The following AGAP1 variants were observed in gnomAD, a reference collection of about 807,000 sequenced individuals.
AGAP1 encodes the protein ArfGAP with GTPase domain, ankyrin repeat and PH domain 1.
Under a neutral mutation model 105.3 loss-of-function variants are expected in AGAP1, and 29 were observed. The observed-to-expected ratio is 0.28, with a 90% CI of 0.21 to 0.38. The LOEUF (loss-of-function observed/expected upper bound fraction) is 0.38, where lower values mean the gene tolerates loss of function less well. AGAP1 is among the 10% of genes least tolerant of loss of function. The probability of loss-of-function intolerance (pLI) is 1.00; values close to 1 mark genes in which losing one functional copy is unlikely to be tolerated. For synonymous variants in AGAP1, 509 were observed against 485.9 expected (o/e 1.05, Z -0.63); for missense variants, 998 against 1,165.1 (o/e 0.86, Z 2.09).
rs1013955200 is a variant in AGAP1, at chr2:235,690,943, C to T, written c.164-18236C>T. 6.6e-6 allele frequency among the ~76,000 whole-genome samples: 1 copy of T among 152,110 alleles called. No homozygotes were observed. The highest frequency in any genetic ancestry group is 1.5e-5 in the Non-Finnish European group (1 of 68,028). On this transcript the variant is annotated intron_variant, in intron 1 of 17. Transcript: ENST00000304032. The surrounding 1 kb of genome is among the most constrained non-coding windows in gnomAD (Gnocchi z 4.1). ...AGGGTTTGGCAGGGATTCGTGGCTG[C>T]TATTTTAGATATGCCAGGAGCCTTC...
At chr2:235,915,559 G>C (rs1162272447) in intron 11 of AGAP1, among the ~76,000 whole-genome samples, 1 of 152,160 alleles carries the variant, frequency 6.6e-6, no homozygotes, top group Non-Finnish European at 1.5e-5. Flanking sequence ...GAGTGCCTGT[G>C]GTCCCAGGGG....
chr2:236,089,729 G>A lies in AGAP1; in HGVS notation c.2115-30463G>A, dbSNP rs2059013093. 6.6e-6 allele frequency among the ~76,000 whole-genome samples: 1 copy of A among 152,202 alleles called. No homozygotes were observed. The highest frequency in any genetic ancestry group is 2.1e-4 in the South Asian group (1 of 4,830). On this transcript the variant is annotated intron_variant, in intron 16 of 17. Transcript: ENST00000304032. The surrounding 1 kb of genome is among the most constrained non-coding windows in gnomAD (Gnocchi z 5.6). ...AGACATCCAAATGGGGGATTGAACT[G>A]TGAGAGTGCAGGCAATAAAGAGTGC...
intron 1 of AGAP1, chr2:235,670,374 T>G (rs1384506015): frequency 3.6e-6 from 2 of 548,566 alleles, no homozygotes; most frequent in African/African-American, 4.0e-5. Flanking sequence ...GCTTGGGATT[T>G]CCGCACCTTC....
Position 235,793,050 on chromosome 2 carries a change from AG to A in AGAP1, c.674-4706del, listed in dbSNP as rs1227729910. On this transcript the variant is annotated intron_variant, in intron 6 of 17. Transcript: ENST00000304032. The surrounding 1 kb of genome is among the most constrained non-coding windows in gnomAD (Gnocchi z 5.3). ...CCGGAGGAGGAAAACCAGGGACGTC[AG>A]GGTTCATGGAAGCCCGAGGAGGATG... Among the ~76,000 whole-genome samples, 3 of 152,174 alleles carry A rather than the reference AG, an allele frequency of 2.0e-5. No individual in the cohort carries two copies. Among genetic ancestry groups the A allele is most frequent in the Admixed American group, 6.5e-5 (1 of 15,276 alleles).
In AGAP1 at chr2:236,111,503, AAAAG is replaced by A. The variant is rs940652208; in HGVS notation, c.2115-8687_2115-8684del. ...ATAGCAAGACCCTGTCTTAAAAAAAAAAAGAGAGAGAAGAAGACTGGGCACTGTG... is the reference window on the plus strand; with the variant it reads ...ATAGCAAGACCCTGTCTTAAAAAAAAAGAGAGAAGAAGACTGGGCACTGTG... On this transcript the variant is annotated intron_variant, in intron 16 of 17. Coordinates refer to ENST00000304032, the MANE Select transcript of AGAP1 (RefSeq NM_001037131.3). Among the ~76,000 whole-genome samples the A allele has an allele frequency of 6.1e-5, 8 of 131,786 alleles. No individual in the cohort carries two copies. The East Asian group carries it at 1.1e-3, about 18-fold the overall frequency. 86.5% of individuals were successfully genotyped at this position (131,786 alleles called of 152,430 possible).
intron 9 of AGAP1, among the ~76,000 whole-genome samples, chr2:235,848,563 T>C (rs188096781): frequency 1.2e-3 from 183 of 152,368 alleles, no homozygotes; most frequent in African/African-American, 4.1e-3. Context: ...GATTGTGATG[T>C]CCATGGTGAG....
intron 9 of AGAP1, among the ~76,000 whole-genome samples, chr2:235,881,625 G>A (rs1024169169): frequency 7.2e-5 from 11 of 152,226 alleles, no homozygotes; most frequent in African/African-American, 2.7e-4. Flanking sequence ...CAGGCATGGA[G>A]CCCAGGCTGA....
Position 235,959,522 on chromosome 2 carries a change from A to G in AGAP1, c.1484-8940A>G, listed in dbSNP as rs961924914. On this transcript the variant is annotated intron_variant, in intron 12 of 17. Transcript: ENST00000304032. The surrounding 1 kb of genome is among the most constrained non-coding windows in gnomAD (Gnocchi z 7.3). ...GGACGGGAACCCGGTCCTTCTTGCC[A>G]TGAGAACACCCAGCCCAGGAGAGGT... is the stretch of plus-strand genomic sequence containing the variant. Among the ~76,000 whole-genome samples, 4 of 152,094 alleles carry G rather than the reference A, an allele frequency of 2.6e-5. No homozygotes were observed. Among genetic ancestry groups the G allele is most frequent in the Non-Finnish European group, 5.9e-5 (4 of 68,002 alleles).
chr2:235,915,224 G>A (rs1465724989), intron 11 of AGAP1, among the ~76,000 whole-genome samples: 1 of 152,176 alleles, frequency 6.6e-6, no homozygotes, highest in African/African-American at 2.4e-5. Flanking sequence ...GACAACGAAG[G>A]TGTTTGTGGG....
At position 235,559,560 on chromosome 2, in the gene AGAP1, G is replaced by A. The variant is rs1944082884; in HGVS notation, c.163+64711G>A. On this transcript the variant is annotated intron_variant, in intron 1 of 17. Coordinates refer to ENST00000304032, the MANE Select transcript of AGAP1 (RefSeq NM_001037131.3). The surrounding 1 kb of genome is among the most constrained non-coding windows in gnomAD (Gnocchi z 5.7). ...TTAGCACAGGAAATAGAAAGCTAAA[G>A]GATATCCCTCATGATCCCTCATCCA... Among the ~76,000 whole-genome samples, 1 of 152,144 alleles carries A rather than the reference G, an allele frequency of 6.6e-6. No individual in the cohort carries two copies. Among genetic ancestry groups the A allele is most frequent in the African/African-American group, 2.4e-5 (1 of 41,438 alleles).
intron 1 of AGAP1, among the ~76,000 whole-genome samples, chr2:235,653,111 T>G (rs1250901012): frequency 6.6e-6 from 1 of 152,174 alleles, no homozygotes; most frequent in Non-Finnish European, 1.5e-5. Context: ...AAAGCCCATT[T>G]GCTGCATTGT....
At chr2:236,079,159 C>T (rs1157517449) in intron 16 of AGAP1, among the ~76,000 whole-genome samples, 2 of 151,992 alleles carry the variant, frequency 1.3e-5, no homozygotes, top group East Asian at 1.9e-4. Context: ...ACTGTACTAG[C>T]ACCACACCTG....
intron 13 of AGAP1, among the ~76,000 whole-genome samples, chr2:235,978,270 T>C (rs2054942396): frequency 6.6e-6 from 1 of 152,198 alleles, no homozygotes; most frequent in South Asian, 2.1e-4. Flanking sequence ...GTGGGATTAA[T>C]GTCCCTGTGG....
At chr2:235,538,081 C>T (rs866187760) in intron 1 of AGAP1, among the ~76,000 whole-genome samples, 2 of 152,154 alleles carry the variant, frequency 1.3e-5, no homozygotes, top group African/African-American at 4.8e-5. Context: ...CAGCTTATAC[C>T]CTGTTCTCCC....
intron 13 of AGAP1, among the ~76,000 whole-genome samples, chr2:235,984,805 G>A (rs549725444): frequency 6.6e-6 from 1 of 152,154 alleles, no homozygotes; most frequent in East Asian, 1.9e-4. Flanking sequence ...TGGCTGCATA[G>A]TATTCCATGG....
intron 1 of AGAP1, among the ~76,000 whole-genome samples, chr2:235,544,908 G>A (rs963999080): frequency 2.0e-5 from 3 of 152,200 alleles, no homozygotes; most frequent in African/African-American, 7.2e-5. Flanking sequence ...TGGTGGGGAA[G>A]TTTTTGAGTT....
chr2:236,092,758 A>T lies in AGAP1; in HGVS notation c.2115-27434A>T, dbSNP rs1291863045. Among the ~76,000 whole-genome samples the T allele has an allele frequency of 6.6e-6, 1 of 152,270 alleles. No homozygotes were observed. Among genetic ancestry groups the T allele is most frequent in the Non-Finnish European group, 1.5e-5 (1 of 68,046 alleles). ...AAAAAAGCTTACTAAAAAGTTTAAA[A>T]CAATCAAGCAAAATAAAAGGTGGCT... is the stretch of plus-strand genomic sequence containing the variant. On this transcript the variant is annotated intron_variant, in intron 16 of 17. Transcript: ENST00000304032. This position sits in a 1 kb window ranked among gnomAD's most constrained non-coding sequence, Gnocchi z 4.7.
chr2:235,805,173 G>A (rs1957776225), intron 8 of AGAP1, among the ~76,000 whole-genome samples: 1 of 152,148 alleles, frequency 6.6e-6, no homozygotes, highest in Admixed American at 6.5e-5. Flanking sequence ...ACTGTCTCCG[G>A]CAAATTGTTA....
chr2:235,685,703 A>G (rs1409829026), intron 1 of AGAP1, among the ~76,000 whole-genome samples: 7 of 152,070 alleles, frequency 4.6e-5, no homozygotes, highest in African/African-American at 1.7e-4. Context: ...AAAAATCAAA[A>G]CAGAAATATT....
Sources: gnomAD v4.1 joint callset for allele counts (sites outside exome capture counted in the v4.1 genomes callset) on GRCh38, gnomAD v4.1.1 for gene constraint, Gnocchi (gnomAD v3.1) non-coding constraint, MANE v1.5 for transcripts, NCBI Gene and HGNC (gene_info 2026-07-23, HGNC 2026-07-21) for gene names.